The following DIP2C variants were observed in gnomAD, a reference collection of about 807,000 sequenced individuals.
DIP2C encodes the protein disco-interacting protein 2 homolog C.
A neutral mutation model predicts 192.4 loss-of-function variants in DIP2C; 33 were observed. The observed-to-expected ratio is 0.17, with a 90% CI of 0.13 to 0.23. The LOEUF (loss-of-function observed/expected upper bound fraction) is 0.23. Ranked by LOEUF, DIP2C falls within the 10% of genes least tolerant of loss-of-function variation. The pLI is 1.00. For missense variants in DIP2C, 1,537 were observed against 2,110.1 expected, an observed-to-expected ratio of 0.73 and a Z score of 5.32; for synonymous variants, 979 against 864.1, an observed-to-expected ratio of 1.13 and a Z score of -2.33.
intron 2 of DIP2C, among the ~76,000 whole-genome samples, chr10:476,097 G>A (rs1843010568): frequency 6.6e-6 from 1 of 152,208 alleles, no homozygotes; most frequent in African/African-American, 2.4e-5. Context: ...CAGAAGGCGT[G>A]GTCAGGGGAG....
intron 1 of DIP2C, among the ~76,000 whole-genome samples, chr10:603,316 AAAAAAAAAAAAAAAAAAC>A (rs1185681211): frequency 4.8e-5 from 7 of 146,314 alleles, no homozygotes; most frequent in African/African-American, 1.8e-4. Flanking sequence ...AAAAAAAAAA[AAAAAAAAAAAAAAAAAAC>A]CAACCATGAG....
chr10:357,710 T>C, intron 23 of DIP2C, 118 bp downstream of exon 23: 1 of 731,348 alleles, frequency 1.4e-6, no homozygotes, highest in Non-Finnish European at 2.3e-6. Context: ...TCAGACACTG[T>C]CGCGGACTGT....
At chr10:588,558 G>A (rs1019200363) in intron 1 of DIP2C, among the ~76,000 whole-genome samples, 4 of 152,234 alleles carry the variant, frequency 2.6e-5, no homozygotes, top group African/African-American at 9.6e-5. Flanking sequence ...TGACACCAGG[G>A]CCCTATCAGG....
chr10:472,481 G>A lies in DIP2C; in HGVS notation c.226C>T (p.Arg76Cys), dbSNP rs748396691. The change falls in exon 3 of 37, where the codon CGC (arginine) becomes TGC (cysteine). Residue 76 changes from arginine to cysteine, a missense_variant. Around this residue, in one of 4 missense-constraint regions of DIP2C, gnomAD observed 473 missense variants for 539.6 expected, o/e 0.88. Coordinates refer to ENST00000280886, the MANE Select transcript of DIP2C (RefSeq NM_014974.3). ...TCTCGTGACCCTGAAGACCGTCGGC[G>A]GTGGTAGCGAGAGGCGGAGGAAGGA... ...VTPSSASRYHRRRSSGSRDER... is the reference protein window; with the variant it reads ...VTPSSASRYHCRRSSGSRDER... 14 of 1,614,188 alleles carry A rather than the reference G, an allele frequency of 8.7e-6. No homozygotes were observed. Among genetic ancestry groups the A allele is most frequent in the South Asian group, 5.5e-5 (5 of 91,082 alleles).
intron 1 of DIP2C, among the ~76,000 whole-genome samples, chr10:579,188 C>A (rs1397201799): frequency 6.6e-6 from 1 of 151,978 alleles, no homozygotes; most frequent in East Asian, 2.0e-4. Context: ...TGCACTATAA[C>A]ATGTACATGC....
intron 1 of DIP2C, among the ~76,000 whole-genome samples, chr10:556,388 C>T (rs1415742987): frequency 6.2e-5 from 7 of 113,430 alleles, no homozygotes; most frequent in Admixed American, 9.5e-5. Context: ...TCCTGGGCCC[C>T]GCTGCGCACA....
intron 1 of DIP2C, chr10:667,199 C>T (rs1438990414): frequency 6.6e-6 from 1 of 152,208 alleles, no homozygotes; most frequent in East Asian, 1.9e-4. Context: ...ACTAATAATA[C>T]AAAAACTAGC....
chr10:561,607 G>C (rs1014417667), intron 1 of DIP2C, among the ~76,000 whole-genome samples: 1 of 152,038 alleles, frequency 6.6e-6, no homozygotes, highest in African/African-American at 2.4e-5. Context: ...TCCTGGTAAC[G>C]CACTGTCTCC....
intron 1 of DIP2C, among the ~76,000 whole-genome samples, chr10:529,388 G>A (rs548283612): frequency 2.6e-5 from 4 of 152,312 alleles, no homozygotes; most frequent in Non-Finnish European, 5.9e-5. Context: ...TCAGAGTGGT[G>A]CCAAGTATTT....
chr10:536,898 C>A (rs1564828330), intron 1 of DIP2C, among the ~76,000 whole-genome samples: 1 of 152,332 alleles, frequency 6.6e-6, no homozygotes, highest in East Asian at 1.9e-4. Flanking sequence ...AAAGTTAACA[C>A]ACGCCAGTTC....
At chr10:581,797 C>CCA (rs1318842979) in intron 1 of DIP2C, among the ~76,000 whole-genome samples, 2 of 152,206 alleles carry the variant, frequency 1.3e-5, no homozygotes, top group Admixed American at 1.3e-4. Flanking sequence ...CTTCAATCCC[C>CCA]CACCTTTCAA....
At chr10:350,236 A>G (rs905398189) in intron 24 of DIP2C, among the ~76,000 whole-genome samples, 16 of 152,210 alleles carry the variant, frequency 1.1e-4, no homozygotes, top group South Asian at 4.1e-4. Flanking sequence ...TGCCACCATC[A>G]TGACTGGCTA....
At chr10:555,089 A>T (rs941188443) in intron 1 of DIP2C, among the ~76,000 whole-genome samples, 4 of 152,230 alleles carry the variant, frequency 2.6e-5, no homozygotes, top group African/African-American at 9.6e-5. Flanking sequence ...TCTAATTCCA[A>T]CAAAGAAAAA....
At position 542,810 on chromosome 10, in the gene DIP2C, T is replaced by C. The variant is rs190264968; in HGVS notation, c.86-56280A>G. ...TCACCAGATCCCAGTTCTTATCAGA[T>C]TGGGGAGTGGGGGGTTCTGACCCTC... is the stretch of plus-strand genomic sequence containing the variant. On this transcript the variant is annotated intron_variant, in intron 1 of 36. Transcript: ENST00000280886. Among the ~76,000 whole-genome samples, 4 of 148,560 alleles carry C rather than the reference T, an allele frequency of 2.7e-5. No individual in the cohort carries two copies. The East Asian group carries it at 6.0e-4, about 22-fold the overall frequency.
At chr10:621,282 G>A (rs1026798462) in intron 1 of DIP2C, among the ~76,000 whole-genome samples, 3 of 145,676 alleles carry the variant, frequency 2.1e-5, no homozygotes, top group Non-Finnish European at 4.5e-5. Flanking sequence ...GTGTGCACAC[G>A]CTCTGTACAC....
chr10:457,987 C>T (rs1326255046), intron 3 of DIP2C, among the ~76,000 whole-genome samples: 1 of 152,172 alleles, frequency 6.6e-6, no homozygotes, highest in African/African-American at 2.4e-5. Context: ...ACAGTCCCAC[C>T]CACACCATCC....
chr10:365,984 G>C (rs1241921541), intron 19 of DIP2C, among the ~76,000 whole-genome samples: 2 of 152,206 alleles, frequency 1.3e-5, no homozygotes, highest in Non-Finnish European at 2.9e-5. Context: ...GCACACAAGT[G>C]CACGTTCAAT....
chr10:677,240 T>A (rs1830908769), intron 1 of DIP2C, among the ~76,000 whole-genome samples: 2 of 152,152 alleles, frequency 1.3e-5, no homozygotes, highest in South Asian at 4.1e-4. Context: ...AAGTCTTGTT[T>A]CCAGAATTTC....
At chr10:585,562 G>T (rs149933573) in intron 1 of DIP2C, among the ~76,000 whole-genome samples, 1 of 152,154 alleles carries the variant, frequency 6.6e-6, no homozygotes, top group Admixed American at 6.5e-5. Context: ...CAACTGAAGC[G>T]GGGCGAGTGA....
Sources: allele counts gnomAD v4.1 joint callset (sites outside exome capture counted in the v4.1 genomes callset), GRCh38; gene constraint gnomAD v4.1.1; regional missense constraint gnomAD v4.1.1; transcripts MANE v1.5; gene names NCBI Gene and HGNC (gene_info 2026-07-23, HGNC 2026-07-21).